The following RAB5C variants were observed in gnomAD, a reference collection of about 807,000 sequenced individuals.
RAB5C encodes ras-related protein Rab-5C.
RAB5C carries 4 observed loss-of-function variants against 25.2 expected under a neutral mutation model. That is an observed-to-expected ratio of 0.16 (90% CI 0.08 to 0.36). The LOEUF (loss-of-function observed/expected upper bound fraction) is 0.36, where lower values mean the gene tolerates loss of function less well. Ranked by LOEUF, RAB5C falls within the 10% of genes least tolerant of loss-of-function variation. The probability of loss-of-function intolerance (pLI) is 1.00; values close to 1 mark genes in which losing one functional copy is unlikely to be tolerated. For missense variants in RAB5C, 199 were observed against 283.8 expected, an observed-to-expected ratio of 0.70 and a Z score of 2.15; for synonymous variants, 100 against 106.4, an observed-to-expected ratio of 0.94 and a Z score of 0.37.
intron 2 of RAB5C, 122 bp downstream of exon 2, chr17:42,130,215 G>A: frequency 7.3e-7 from 1 of 1,370,648 alleles, no homozygotes; most frequent in South Asian, 1.5e-5. Flanking sequence ...GTGAGGAAGT[G>A]GGGCTGCCAC....
chr17:42,150,346 C>T (rs1598259626), intron 1 of RAB5C, among the ~76,000 whole-genome samples: 1 of 151,848 alleles, frequency 6.6e-6, no homozygotes, highest in South Asian at 2.1e-4. Flanking sequence ...GAGATCGAGA[C>T]CAGCCTGGCC....
Position 42,130,546 on chromosome 17 carries a change from C to CT in RAB5C, c.-45dup. 2 of 1,609,800 alleles carry CT rather than the reference C, an allele frequency of 1.2e-6. No homozygotes were observed. Among genetic ancestry groups the CT allele is most frequent in the Non-Finnish European group, 8.5e-7 (1 of 1,178,300 alleles). ...GGTCCAGAGAGCGTGCGGGTGGGGA[C>CT]TGGTGCTATGCAAAGAGGCACTTAG... On this transcript the variant is annotated 5_prime_UTR_variant, in exon 2 of 6. Coordinates refer to ENST00000346213, the MANE Select transcript of RAB5C (RefSeq NM_004583.4).
intron 1 of RAB5C, among the ~76,000 whole-genome samples, chr17:42,153,867 T>C (rs775024061): frequency 8.5e-5 from 13 of 152,206 alleles, no homozygotes; most frequent in Non-Finnish European, 1.6e-4. Flanking sequence ...AGAACTGCCA[T>C]TGTGATCTTG....
At chr17:42,147,887 G>A (rs1044825644) in intron 1 of RAB5C, among the ~76,000 whole-genome samples, 2 of 152,036 alleles carry the variant, frequency 1.3e-5, no homozygotes, top group African/African-American at 4.8e-5. Flanking sequence ...ACCTGAGGTT[G>A]GGAGTTCGAG....
chr17:42,128,635 G>A lies in RAB5C; in HGVS notation c.318+14C>T. The A allele has an allele frequency of 1.4e-6, 2 of 1,461,230 alleles. No individual in the cohort carries two copies. Among genetic ancestry groups the A allele is most frequent in the Non-Finnish European group, 1.8e-6 (2 of 1,104,794 alleles). 90.5% of individuals were successfully genotyped at this position (1,461,230 alleles called of 1,614,324 possible). On this transcript the variant is annotated intron_variant, in intron 3 of 5. Coordinates refer to ENST00000346213, the MANE Select transcript of RAB5C (RefSeq NM_004583.4). ...AGATGAAGGGCAAAGGAAGAAGCAA[G>A]GGGAAATCTTTACTGTGTTGGTGAT...
In RAB5C at chr17:42,125,661, GGTGGACCCCTCCCCCTGCCCCCCCA is replaced by G; in HGVS notation, c.*97_*121del. On this transcript the variant is annotated 3_prime_UTR_variant, in exon 6 of 6. Transcript: ENST00000346213. ...GATCAAAATTATATGGAGAAATCAT[GGTGGACCCCTCCCCCTGCCCCCCCA>G]GTGGTGGCCCGAGTCGTTAAGTGCG... is the stretch of plus-strand genomic sequence containing the variant. 1 of 649,646 alleles carries G rather than the reference GGTGGACCCCTCCCCCTGCCCCCCCA, an allele frequency of 1.5e-6. No homozygotes were observed. Among genetic ancestry groups the G allele is most frequent in the Non-Finnish European group, 2.7e-6 (1 of 370,834 alleles). The allele number at this position is 649,646 out of a possible 1,614,324, so 40.2% of individuals were successfully genotyped here.
chr17:42,127,303 G>A (rs940764899), intron 4 of RAB5C, among the ~76,000 whole-genome samples: 12 of 152,164 alleles, frequency 7.9e-5, no homozygotes, highest in Non-Finnish European at 1.6e-4. Flanking sequence ...TAAAAAACAC[G>A]TGCATATTTC....
intron 5 of RAB5C, 35 bp from the exon 6 acceptor site, chr17:42,125,933 G>T: frequency 6.8e-7 from 1 of 1,469,252 alleles, no homozygotes; most frequent in Non-Finnish European, 9.4e-7. Flanking sequence ...TTTGTTGGGG[G>T]TACCCCAATA....
intron 1 of RAB5C, among the ~76,000 whole-genome samples, chr17:42,143,191 A>C (rs2079612901): frequency 6.6e-6 from 1 of 152,194 alleles, no homozygotes; most frequent in Non-Finnish European, 1.5e-5. Context: ...CCAACTCCAG[A>C]GTCTCTAGTA....
intron 1 of RAB5C, among the ~76,000 whole-genome samples, chr17:42,139,321 C>CA (rs1324790400): frequency 6.6e-6 from 1 of 152,238 alleles, no homozygotes; most frequent in Non-Finnish European, 1.5e-5. Context: ...GCACTGCCTG[C>CA]AGCTGCACCA....
chr17:42,149,723 C>G (rs994502958), intron 1 of RAB5C, among the ~76,000 whole-genome samples: 1 of 152,132 alleles, frequency 6.6e-6, no homozygotes, highest in African/African-American at 2.4e-5. Context: ...GCACAGCGTT[C>G]TCTTCTGTAA....
intron 1 of RAB5C, among the ~76,000 whole-genome samples, chr17:42,148,059 T>C (rs960313914): frequency 8.6e-5 from 13 of 151,782 alleles, no homozygotes; most frequent in African/African-American, 2.7e-4. Context: ...GATTGTGCCA[T>C]TGCACTCTAG....
At chr17:42,132,836 C>A (rs1253638893) in intron 1 of RAB5C, among the ~76,000 whole-genome samples, 1 of 152,120 alleles carries the variant, frequency 6.6e-6, no homozygotes. Context: ...CGACAACCTC[C>A]ATTTTTCAGA....
Position 42,126,752 on chromosome 17 carries a change from G to C in RAB5C, c.535+3C>G, listed in dbSNP as rs1356583051. 1.9e-6 allele frequency: 3 copies of C among 1,601,304 alleles called. No homozygotes were observed. The highest frequency in any genetic ancestry group is 1.7e-5 in the Admixed American group (1 of 59,816). The stretch of plus-strand genomic sequence containing the variant: ...AGAGAGGAGGGGAGGAGAAGCAACT[G>C]ACCTATTGCCATGAAGATTTCGTTC... On this transcript the variant is annotated splice_donor_region_variant and intron_variant, in intron 5 of 5. Transcript: ENST00000346213.
chr17:42,140,722 C>T (rs376729339), intron 1 of RAB5C, among the ~76,000 whole-genome samples: 189 of 151,770 alleles, frequency 1.2e-3, no homozygotes, highest in Middle Eastern at 3.4e-3. Context: ...GATGAGGTTT[C>T]GCCATGTTGG....
At chr17:42,137,376 C>T (rs1479978953) in intron 1 of RAB5C, among the ~76,000 whole-genome samples, 1 of 150,438 alleles carries the variant, frequency 6.6e-6, no homozygotes, top group African/African-American at 2.4e-5. Flanking sequence ...GAGGTAAATA[C>T]ATGAGTGTAT....
intron 1 of RAB5C, among the ~76,000 whole-genome samples, chr17:42,146,176 G>T (rs2079633815): frequency 6.6e-6 from 1 of 152,058 alleles, no homozygotes; most frequent in Non-Finnish European, 1.5e-5. Flanking sequence ...ATAAAAGTCT[G>T]AGAAACTGGC....
chr17:42,139,531 C>T (rs1015431433), intron 1 of RAB5C, among the ~76,000 whole-genome samples: 3 of 152,172 alleles, frequency 2.0e-5, no homozygotes. Flanking sequence ...GGCGTGATCT[C>T]GGCTCACTGC....
chr17:42,151,914 C>T (rs1239083027), intron 1 of RAB5C, among the ~76,000 whole-genome samples: 1 of 152,108 alleles, frequency 6.6e-6, no homozygotes, highest in East Asian at 1.9e-4. Context: ...TAAGAGTCTG[C>T]CCTTGTGCCG....
Sources: gnomAD v4.1 joint callset for allele counts (sites outside exome capture counted in the v4.1 genomes callset) on GRCh38, gnomAD v4.1.1 for gene constraint, MANE v1.5 for transcripts, NCBI Gene and HGNC (gene_info 2026-07-23, HGNC 2026-07-21) for gene names.